WNT7B: variants seen among roughly 807,000 people sequenced by gnomAD.
WNT7B encodes the protein protein Wnt-7b.
In WNT7B, 19 loss-of-function variants were observed where a neutral mutation model predicts 38.2. That is an observed-to-expected ratio of 0.50 (90% CI 0.35 to 0.73). WNT7B has a LOEUF of 0.73. Among genes scored for constraint, WNT7B ranks in the 30% least tolerant of loss-of-function variants. The pLI is 0.01. For missense variants in WNT7B, 423 were observed against 507.9 expected (o/e 0.83, Z 1.61); for synonymous variants, 243 against 209.3 (o/e 1.16, Z -1.39).
intron 1 of WNT7B, among the ~76,000 whole-genome samples, chr22:45,950,892 C>T (rs1199460464): frequency 6.6e-6 from 1 of 152,232 alleles, no homozygotes; most frequent in Non-Finnish European, 1.5e-5. Context: ...AAATTGAGCA[C>T]CTACTGTGTG....
At chr22:45,972,190 C>T in intron 1 of WNT7B, 3 of 633,044 alleles carry the variant, frequency 4.7e-6, no homozygotes, top group Non-Finnish European at 8.7e-6. Context: ...GAAAGATCTG[C>T]GGGCAATAGA....
chr22:45,969,997 A>G (rs1371091625), intron 1 of WNT7B, among the ~76,000 whole-genome samples: 1 of 152,230 alleles, frequency 6.6e-6, no homozygotes, highest in Non-Finnish European at 1.5e-5. Context: ...GGTCAGAGAC[A>G]TCGAAACCAA....
At chr22:45,942,504 G>A (rs571303829) in intron 2 of WNT7B, among the ~76,000 whole-genome samples, 1 of 152,350 alleles carries the variant, frequency 6.6e-6, no homozygotes, top group East Asian at 1.9e-4. Flanking sequence ...CCACGGCTTG[G>A]CCCCAATCCC....
At chr22:45,952,537 A>G (rs1235051214) in intron 1 of WNT7B, among the ~76,000 whole-genome samples, 1 of 152,224 alleles carries the variant, frequency 6.6e-6, no homozygotes, top group Non-Finnish European at 1.5e-5. Flanking sequence ...CGAGCTGGGG[A>G]AATGAGATGG....
At position 45,975,447 on chromosome 22, in the gene WNT7B, C is replaced by G; in HGVS notation, c.71+1237G>C. 1 of 675,948 alleles carries G rather than the reference C, an allele frequency of 1.5e-6. No individual in the cohort carries two copies. The highest frequency in any genetic ancestry group is 2.8e-5 in the East Asian group (1 of 36,172). The allele number at this position is 675,948 out of a possible 1,614,324, so 41.9% of individuals were successfully genotyped here. On this transcript the variant is annotated intron_variant, in intron 1 of 3. Transcript: ENST00000339464. This position sits in a 1 kb window ranked among gnomAD's most constrained non-coding sequence, Gnocchi z 6.6. ...CTACCGGCAGCCGCAGACACGCCCG[C>G]CCAGACCTGCAGGGCTCAGGCTAGG...
In WNT7B at chr22:45,950,170, C is replaced by T. The variant is rs550859128; in HGVS notation, c.72-24G>A. 22 of 1,599,262 alleles carry T rather than the reference C, an allele frequency of 1.4e-5. No individual in the cohort carries two copies. The South Asian group carries it at 2.3e-4, about 17-fold the overall frequency. The stretch of plus-strand genomic sequence containing the variant: ...CTCTGTGGAGGGGAGGAGACAGAGG[C>T]CGTGAGACGGCGGCGGCCAGCGCCC... On this transcript the variant is annotated intron_variant, in intron 1 of 3. Coordinates refer to ENST00000339464, the MANE Select transcript of WNT7B (RefSeq NM_058238.3).
chr22:45,973,100 C>T (rs535967089), intron 1 of WNT7B, among the ~76,000 whole-genome samples: 89 of 152,378 alleles, frequency 5.8e-4, no homozygotes, highest in African/African-American at 1.9e-3. Context: ...GGGAAGGCAT[C>T]GCCAGCAGGT....
intron 3 of WNT7B, among the ~76,000 whole-genome samples, chr22:45,924,305 C>G (rs938109431): frequency 2.6e-5 from 4 of 152,150 alleles, no homozygotes; most frequent in Admixed American, 2.0e-4. Context: ...GGAGAAGTCC[C>G]CCAGAAAATG....
chr22:45,924,239 G>A lies in WNT7B; in HGVS notation c.571-904C>T, dbSNP rs374607959. Among the ~76,000 whole-genome samples the A allele has an allele frequency of 1.2e-4, 19 of 152,300 alleles. No individual in the cohort carries two copies. In the East Asian group the frequency reaches 2.5e-3, roughly 20 times the overall value. ...GGGGCTTGGCCACCCTCTGTCCCTC[G>A]GGCCAGAACTCACGGTCATGGGGCA... On this transcript the variant is annotated intron_variant, in intron 3 of 3. Transcript: ENST00000339464.
At chr22:45,952,565 C>T (rs1452900713) in intron 1 of WNT7B, among the ~76,000 whole-genome samples, 2 of 152,268 alleles carry the variant, frequency 1.3e-5, no homozygotes, top group African/African-American at 4.8e-5. Flanking sequence ...CCCTGCCGGG[C>T]ACCCTGTTTG....
At chr22:45,926,345 C>G in intron 3 of WNT7B, 2 of 985,392 alleles carry the variant, frequency 2.0e-6, no homozygotes, top group Non-Finnish European at 2.4e-6. Context: ...CCGCAGGGGC[C>G]GCTCCTCCAG....
intron 3 of WNT7B, 54 bp downstream of exon 3, chr22:45,931,044 C>T (rs1377765645): frequency 9.3e-6 from 14 of 1,509,630 alleles, no homozygotes; most frequent in East Asian, 6.9e-5. Flanking sequence ...GAGAGGTCAG[C>T]GGGTGATACA....
rs1932549003 is a variant in WNT7B at position 45,976,274 on chromosome 22, C to A, written c.71+410G>T. Among the ~76,000 whole-genome samples, 1 of 147,448 alleles carries A rather than the reference C, an allele frequency of 6.8e-6. No homozygotes were observed. The highest frequency in any genetic ancestry group is 1.5e-5 in the Non-Finnish European group (1 of 66,256). ...CTCCCGGGCCTCCGCAGGCGCCGGA[C>A]GCCCCCCGACCCCGCCCCGGCGCAC... On this transcript the variant is annotated intron_variant, in intron 1 of 3. Transcript: ENST00000339464. The surrounding 1 kb of genome is among the most constrained non-coding windows in gnomAD (Gnocchi z 8.5).
intron 1 of WNT7B, among the ~76,000 whole-genome samples, chr22:45,970,164 G>A (rs1932402092): frequency 6.6e-6 from 1 of 152,238 alleles, no homozygotes; most frequent in Non-Finnish European, 1.5e-5. Context: ...TCCGCTTGGG[G>A]AAGGCTGGCG....
intron 2 of WNT7B, among the ~76,000 whole-genome samples, chr22:45,931,702 A>G (rs1188911875): frequency 6.6e-6 from 1 of 152,090 alleles, no homozygotes; most frequent in African/African-American, 2.4e-5. Flanking sequence ...TGGGCAGGAG[A>G]GGCCCAGTTT....
chr22:45,949,795 G>T, intron 2 of WNT7B, 125 bp downstream of exon 2: 1 of 927,992 alleles, frequency 1.1e-6, no homozygotes, highest in Non-Finnish European at 1.6e-6. Context: ...TCACAGGAAG[G>T]CAAAGAAATT....
At chr22:45,925,687 G>A (rs1314464529) in intron 3 of WNT7B, 6 of 985,272 alleles carry the variant, frequency 6.1e-6, no homozygotes, top group African/African-American at 5.2e-5. Context: ...GCCTGGAAGT[G>A]TCCCTGGCCC....
At chr22:45,927,016 C>A in intron 3 of WNT7B, 1 of 985,444 alleles carries the variant, frequency 1.0e-6, no homozygotes, top group Non-Finnish European at 1.2e-6. Flanking sequence ...AACTCCACAG[C>A]GATAGCTTCT....
intron 2 of WNT7B, among the ~76,000 whole-genome samples, chr22:45,948,905 T>C (rs1931861893): frequency 7.0e-6 from 1 of 142,422 alleles, no homozygotes; most frequent in Non-Finnish European, 1.5e-5. Flanking sequence ...AGTACAATGG[T>C]GCCATCTCGG....
Sources: allele counts gnomAD v4.1 joint callset (sites outside exome capture counted in the v4.1 genomes callset), GRCh38; gene constraint gnomAD v4.1.1; non-coding constraint Gnocchi (gnomAD v3.1); transcripts MANE v1.5; gene names NCBI Gene and HGNC (gene_info 2026-07-23, HGNC 2026-07-21).